The following KCNK3 variants were observed in gnomAD, a reference collection of about 807,000 sequenced individuals.
KCNK3 encodes the protein potassium two pore domain channel subfamily K member 3.
A neutral mutation model predicts 27.3 loss-of-function variants in KCNK3; 9 were observed. The ratio of observed to expected loss-of-function variants is 0.33; its 90% CI spans 0.20 to 0.57. The LOEUF is 0.57. Ranked by LOEUF, KCNK3 falls within the 20% of genes least tolerant of loss-of-function variation. The pLI is 0.87. For synonymous variants in KCNK3, 278 were observed against 273.8 expected (o/e 1.02, Z -0.15); for missense variants, 391 against 577.7 (o/e 0.68, Z 3.31).
intron 1 of KCNK3, among the ~76,000 whole-genome samples, chr2:26,714,967 G>T (rs890858476): frequency 6.6e-6 from 1 of 152,184 alleles, no homozygotes; most frequent in Non-Finnish European, 1.5e-5. Flanking sequence ...CTGATCCCTG[G>T]GCCCCAGCCC....
chr2:26,727,852 G>T lies in KCNK3; in HGVS notation c.469G>T (p.Ala157Ser), dbSNP rs1032304804. ...LGMRRADVSMANMVLIGFFSC... is the reference protein window; with the variant it reads ...LGMRRADVSMSNMVLIGFFSC... ...CATGCGGCGCGCCGACGTGTCCATG[G>T]CCAACATGGTGCTCATCGGCTTCTT... is the stretch of plus-strand genomic sequence containing the variant. Residue 157 changes from alanine to serine, a missense_variant, in exon 2 of 2, where the codon GCC (alanine) becomes TCC (serine). Physicochemically the swap from Ala to Ser is moderately conservative, Grantham distance 99 (BLOSUM62 1). Coordinates refer to ENST00000302909, the MANE Select transcript of KCNK3 (RefSeq NM_002246.3). 5.6e-6 allele frequency: 9 copies of T among 1,613,726 alleles called. No individual in the cohort carries two copies. The highest frequency in any genetic ancestry group is 7.6e-6 in the Non-Finnish European group (9 of 1,179,778).
intron 1 of KCNK3, among the ~76,000 whole-genome samples, chr2:26,706,040 G>A (rs1395196344): frequency 6.6e-6 from 1 of 152,192 alleles, no homozygotes; most frequent in Non-Finnish European, 1.5e-5. Context: ...GACCCCCCAG[G>A]CGATTGGAAT....
intron 1 of KCNK3, among the ~76,000 whole-genome samples, chr2:26,714,113 T>C (rs1437167201): frequency 1.3e-5 from 2 of 151,554 alleles, no homozygotes; most frequent in East Asian, 1.9e-4. Flanking sequence ...AAGAAACATG[T>C]ATGTGTTAAT....
At chr2:26,704,218 T>C (rs1468667363) in intron 1 of KCNK3, among the ~76,000 whole-genome samples, 1 of 152,162 alleles carries the variant, frequency 6.6e-6, no homozygotes, top group African/African-American at 2.4e-5. Context: ...AGTTCCACTC[T>C]GGAGCTCACA....
intron 1 of KCNK3, among the ~76,000 whole-genome samples, chr2:26,701,205 G>T (rs1488110646): frequency 6.6e-6 from 1 of 152,240 alleles, no homozygotes. Context: ...AACGTCTGCA[G>T]CTGGAAAAGA....
At chr2:26,702,004 T>A (rs1386884712) in intron 1 of KCNK3, among the ~76,000 whole-genome samples, 1 of 152,228 alleles carries the variant, frequency 6.6e-6, no homozygotes, top group Non-Finnish European at 1.5e-5. Flanking sequence ...AGGTTTGTTA[T>A]ATAGGTAAAC....
Position 26,711,868 on chromosome 2 carries a change from G to T in KCNK3, c.284-15799G>T, listed in dbSNP as rs67575134. Among the ~76,000 whole-genome samples the T allele has an allele frequency of 4.4e-3, 669 of 152,230 alleles. 7 individuals are homozygous for T. The highest frequency in any genetic ancestry group is 0.015 in the African/African-American group (640 of 41,546). On this transcript the variant is annotated intron_variant, in intron 1 of 1. Coordinates refer to ENST00000302909, the MANE Select transcript of KCNK3 (RefSeq NM_002246.3). ...CTTGCCCAGATTCCATATCGGGGCT[G>T]GGGGGAGGGAGCAGGGTAGCACTGT...
At chr2:26,715,702 C>A (rs988417679) in intron 1 of KCNK3, among the ~76,000 whole-genome samples, 1 of 152,170 alleles carries the variant, frequency 6.6e-6, no homozygotes, top group African/African-American at 2.4e-5. Flanking sequence ...GTGTAGGGGC[C>A]GGGTCGGGGA....
rs2148039624 is a variant in KCNK3 at position 26,729,276 on chromosome 2, C to T, written c.*708C>T. The T allele has an allele frequency of 6.6e-6, 1 of 152,512 alleles. No homozygotes were observed. Among genetic ancestry groups the T allele is most frequent in the Admixed American group, 6.5e-5 (1 of 15,314 alleles). The allele number at this position is 152,512 out of a possible 1,614,324, so 9.4% of individuals were successfully genotyped here. A position where few individuals can be genotyped will look rare whatever the true frequency, so the allele number is the denominator to read the frequency against. ...GTTCAAGCTAACTGGCCTCCAGCCACATTCTCATAGCAGGTAGGACTTCAG... is the reference window on the plus strand; with the variant it reads ...GTTCAAGCTAACTGGCCTCCAGCCATATTCTCATAGCAGGTAGGACTTCAG... On this transcript the variant is annotated 3_prime_UTR_variant, in exon 2 of 2. Coordinates refer to ENST00000302909, the MANE Select transcript of KCNK3 (RefSeq NM_002246.3).
rs117396730 is a variant in KCNK3 at position 26,715,807 on chromosome 2, T to C, written c.284-11860T>C. On this transcript the variant is annotated intron_variant, in intron 1 of 1. Transcript: ENST00000302909. ...GGCCGGCCCCAGGTCCCTCACCCTC[T>C]CCACAGCATCTGATCAGTGCCCACC... 2.0e-5 allele frequency among the ~76,000 whole-genome samples: 3 copies of C among 152,282 alleles called. No homozygotes were observed. In the East Asian group the frequency reaches 5.8e-4, roughly 29 times the overall value.
chr2:26,705,146 G>T (rs1288354653), intron 1 of KCNK3, among the ~76,000 whole-genome samples: 1 of 152,092 alleles, frequency 6.6e-6, no homozygotes, highest in Non-Finnish European at 1.5e-5. Flanking sequence ...TAAATTTTAA[G>T]TAGAGACAGG....
In KCNK3 at chr2:26,692,858, G is replaced by A. The variant is rs1259198176; in HGVS notation, c.-18G>A. 1.1e-5 allele frequency: 14 copies of A among 1,225,810 alleles called. No homozygotes were observed. The highest frequency in any genetic ancestry group is 1.3e-5 in the Non-Finnish European group (13 of 983,148). 75.9% of individuals were successfully genotyped at this position (1,225,810 alleles called of 1,614,324 possible). A position where few individuals can be genotyped will look rare whatever the true frequency, so the allele number is the denominator to read the frequency against. On this transcript the variant is annotated 5_prime_UTR_variant, in exon 1 of 2. Transcript: ENST00000302909. This position sits in a 1 kb window ranked among gnomAD's most constrained non-coding sequence, Gnocchi z 5.6. The stretch of plus-strand genomic sequence containing the variant: ...GGGCCGGGGGCGCCGGGGGGCCGGC[G>A]GCGGCCCGGGCGGGACGATGAAGCG...
chr2:26,704,149 C>G (rs531559846), intron 1 of KCNK3, among the ~76,000 whole-genome samples: 1 of 152,310 alleles, frequency 6.6e-6, no homozygotes, highest in South Asian at 2.1e-4. Flanking sequence ...ACCCAGCAGC[C>G]CTCTGTCAGC....
intron 1 of KCNK3, among the ~76,000 whole-genome samples, chr2:26,704,331 C>T (rs1035362362): frequency 1.3e-5 from 2 of 152,150 alleles, no homozygotes; most frequent in Non-Finnish European, 2.9e-5. Flanking sequence ...GCATGGACAA[C>T]CCCAGGCCCC....
At position 26,731,941 on chromosome 2, in the gene KCNK3, C is replaced by T. The variant is rs969354515; in HGVS notation, c.*3373C>T. 6.6e-6 allele frequency: 1 copy of T among 152,262 alleles called. No individual in the cohort carries two copies. Among genetic ancestry groups the T allele is most frequent in the Non-Finnish European group, 1.5e-5 (1 of 68,052 alleles). The allele number at this position is 152,262 out of a possible 1,614,324, so 9.4% of individuals were successfully genotyped here. On this transcript the variant is annotated 3_prime_UTR_variant, in exon 2 of 2. Transcript: ENST00000302909. ...CTGACAGTGGTACCTCCCAGTCAGCCAGGAGAATGGATTCCTTCTCCTGCA... is the reference window on the plus strand; with the variant it reads ...CTGACAGTGGTACCTCCCAGTCAGCTAGGAGAATGGATTCCTTCTCCTGCA...
intron 1 of KCNK3, among the ~76,000 whole-genome samples, chr2:26,700,956 T>C (rs919199234): frequency 9.2e-5 from 14 of 152,184 alleles, no homozygotes; most frequent in Admixed American, 4.6e-4. Context: ...TCTAAGTCAA[T>C]ACTTCTCAAA....
intron 1 of KCNK3, among the ~76,000 whole-genome samples, chr2:26,714,101 G>C (rs922899632): frequency 6.6e-6 from 1 of 151,584 alleles, no homozygotes; most frequent in Non-Finnish European, 1.5e-5. Context: ...AAAAGAAAAA[G>C]AAAGAAACAT....
chr2:26,720,953 G>A lies in KCNK3; in HGVS notation c.284-6714G>A, dbSNP rs183607904. ...AGGGGCTTGCCCAGGCCCAGTGCAG[G>A]GGGGATTCCTTCTGAACCTTGAAGC... On this transcript the variant is annotated intron_variant, in intron 1 of 1. Coordinates refer to ENST00000302909, the MANE Select transcript of KCNK3 (RefSeq NM_002246.3). Among the ~76,000 whole-genome samples, 67 of 152,258 alleles carry A rather than the reference G, an allele frequency of 4.4e-4. No homozygotes were observed. The East Asian group carries it at 5.8e-3, about 13-fold the overall frequency.
intron 1 of KCNK3, among the ~76,000 whole-genome samples, chr2:26,716,619 C>T (rs368970218): frequency 6.6e-6 from 1 of 152,012 alleles, no homozygotes; most frequent in Non-Finnish European, 1.5e-5. Context: ...GGAAAGGGGC[C>T]CTCCCAAGAG....
Sources: allele counts gnomAD v4.1 joint callset (sites outside exome capture counted in the v4.1 genomes callset), GRCh38; gene constraint gnomAD v4.1.1; non-coding constraint Gnocchi (gnomAD v3.1); transcripts MANE v1.5; gene names NCBI Gene and HGNC (gene_info 2026-07-23, HGNC 2026-07-21).